Variants in LSM14A observed in about 807,000 individuals in gnomAD.
LSM14A encodes LSM14A mRNA processing body assembly factor.
A neutral mutation model predicts 52.4 loss-of-function variants in LSM14A; 14 were observed. That is an observed-to-expected ratio of 0.27 (90% confidence interval 0.18 to 0.42). The LOEUF (loss-of-function observed/expected upper bound fraction) is 0.42, where lower values mean the gene tolerates loss of function less well. Among genes scored for constraint, LSM14A ranks in the 10% least tolerant of loss-of-function variants. The pLI, the probability that LSM14A is intolerant of heterozygous loss-of-function variation, is 1.00. For missense variants in LSM14A, 417 were observed against 581.8 expected, an observed-to-expected ratio of 0.72 and a Z score of 2.91; for synonymous variants, 185 against 200.3, an observed-to-expected ratio of 0.92 and a Z score of 0.64.
chr19:34,208,714 G>A, intron 3 of LSM14A: 2 of 433,742 alleles, frequency 4.6e-6, no homozygotes, highest in Non-Finnish European at 4.1e-6. Flanking sequence ...AAGGATAGTG[G>A]ACAGTATATT....
chr19:34,214,286 C>A (rs1368671052), intron 4 of LSM14A, among the ~76,000 whole-genome samples: 2 of 149,326 alleles, frequency 1.3e-5, no homozygotes, highest in Non-Finnish European at 3.0e-5. Flanking sequence ...CTTTGTAGTT[C>A]TTTTACTTTA....
At chr19:34,194,390 A>C (rs2070696744) in intron 1 of LSM14A, 88 bp from the exon 2 acceptor site, 24 of 1,157,014 alleles carry the variant, frequency 2.1e-5, no homozygotes, top group Non-Finnish European at 2.9e-5. Context: ...ACTACTGCTT[A>C]GTACTTGAAA....
intron 1 of LSM14A, among the ~76,000 whole-genome samples, chr19:34,189,352 C>A (rs1036975794): frequency 1.3e-5 from 2 of 152,108 alleles, no homozygotes; most frequent in African/African-American, 4.8e-5. Flanking sequence ...AAATCCAATT[C>A]AGTGATATCA....
chr19:34,204,716 T>C (rs2071552807), intron 3 of LSM14A, among the ~76,000 whole-genome samples: 1 of 152,180 alleles, frequency 6.6e-6, no homozygotes, highest in Admixed American at 6.5e-5. Flanking sequence ...AGACCTTTTC[T>C]CTAAAAAGAA....
intron 1 of LSM14A, among the ~76,000 whole-genome samples, chr19:34,181,351 C>G (rs2069468496): frequency 6.6e-6 from 1 of 152,210 alleles, no homozygotes; most frequent in East Asian, 1.9e-4. Context: ...CTATCCTTCC[C>G]TTTATAGCGA....
chr19:34,211,454 A>G (rs2072145922), intron 4 of LSM14A, among the ~76,000 whole-genome samples: 1 of 152,138 alleles, frequency 6.6e-6, no homozygotes, highest in African/African-American at 2.4e-5. Flanking sequence ...TTCTATGATA[A>G]ATAATGTAAG....
intron 1 of LSM14A, among the ~76,000 whole-genome samples, chr19:34,186,809 G>T (rs543142304): frequency 1.9e-3 from 282 of 152,224 alleles, no homozygotes; most frequent in African/African-American, 6.6e-3. Context: ...CCTGGTTTTA[G>T]TTTCTTAACT....
At chr19:34,221,204 C>A (rs1170819161) in intron 8 of LSM14A, 2 of 324,182 alleles carry the variant, frequency 6.2e-6, no homozygotes, top group African/African-American at 4.2e-5. Context: ...TGCCTCAACC[C>A]CCCAAGTAGC....
chr19:34,226,510 G>A (rs1311203368), intron 9 of LSM14A: 3 of 1,444,052 alleles, frequency 2.1e-6, no homozygotes, highest in Non-Finnish European at 1.8e-6. Flanking sequence ...TGGCTTTGTG[G>A]GGGACAGCAG....
At chr19:34,204,919 G>A (rs2071569699) in intron 3 of LSM14A, among the ~76,000 whole-genome samples, 1 of 152,082 alleles carries the variant, frequency 6.6e-6, no homozygotes, top group South Asian at 2.1e-4. Context: ...ATCGCTTGAG[G>A]TCAGGAGTTC....
chr19:34,226,465 G>GT, intron 9 of LSM14A: 4 of 1,516,954 alleles, frequency 2.6e-6, no homozygotes, highest in Non-Finnish European at 2.6e-6. Context: ...TTTCTGAAAG[G>GT]TAAAAAAAAC....
chr19:34,195,340 G>C (rs2070759547), intron 2 of LSM14A: 1 of 151,778 alleles, frequency 6.6e-6, no homozygotes, highest in Non-Finnish European at 1.5e-5. Context: ...ACCACACCCG[G>C]CTAATTCTTG....
chr19:34,207,249 G>A (rs1435335296), intron 3 of LSM14A, among the ~76,000 whole-genome samples: 1 of 152,162 alleles, frequency 6.6e-6, no homozygotes, highest in Non-Finnish European at 1.5e-5. Context: ...CAAGCAATGG[G>A]AGGCCAAGCC....
intron 3 of LSM14A, among the ~76,000 whole-genome samples, chr19:34,203,904 T>TAAA (rs199861783): frequency 2.4e-5 from 3 of 126,088 alleles, no homozygotes; most frequent in Non-Finnish European, 5.1e-5. Flanking sequence ...AGACTGAATT[T>TAAA]AAAAAAAAAA....
At chr19:34,221,328 C>T (rs1045613306) in intron 8 of LSM14A, 179 bp from the exon 9 acceptor site, 5 of 657,862 alleles carry the variant, frequency 7.6e-6, no homozygotes, top group Non-Finnish European at 1.3e-5. Context: ...GGCGATCCGC[C>T]CCCTCGGCCT....
intron 1 of LSM14A, among the ~76,000 whole-genome samples, chr19:34,182,605 A>C (rs1232831447): frequency 6.6e-6 from 1 of 150,746 alleles, no homozygotes. Flanking sequence ...TGGGAGGCCA[A>C]GGCGGGCAGA....
In LSM14A at chr19:34,221,533, AAAG is replaced by A. The variant is rs2073062226; in HGVS notation, c.1168_1170del (p.Arg390del). On this transcript the variant is annotated inframe_deletion, in exon 9 of 10. Coordinates refer to ENST00000544216, the MANE Select transcript of LSM14A (RefSeq NM_015578.4). ...GAACGGAGACCAACCTGGGCTGAAG[AAAG>A]AAGATTAAATGCTGAAACATTTGGA... 2 of 1,614,004 alleles carry A rather than the reference AAAG, an allele frequency of 1.2e-6. No homozygotes were observed. Among genetic ancestry groups the A allele is most frequent in the Non-Finnish European group, 1.7e-6 (2 of 1,180,024 alleles).
At chr19:34,225,305 C>A (rs1169336199) in intron 9 of LSM14A, among the ~76,000 whole-genome samples, 1 of 152,174 alleles carries the variant, frequency 6.6e-6, no homozygotes, top group East Asian at 1.9e-4. Context: ...AGCCCCGAAC[C>A]CAGCAGCCCT....
intron 1 of LSM14A, among the ~76,000 whole-genome samples, chr19:34,186,944 C>CA (rs953595116): frequency 6.6e-5 from 10 of 151,142 alleles, no homozygotes; most frequent in African/African-American, 2.4e-4. Context: ...TAGTTCATGT[C>CA]AAAAAAAAGT....
Sources: allele counts gnomAD v4.1 joint callset (sites outside exome capture counted in the v4.1 genomes callset), GRCh38; gene constraint gnomAD v4.1.1; transcripts MANE v1.5; gene names NCBI Gene and HGNC (gene_info 2026-07-23, HGNC 2026-07-21).